Variants in PM20D1 observed in about 807,000 individuals in gnomAD.
The protein encoded by PM20D1 is N-fatty-acyl-amino acid synthase/hydrolase PM20D1.
In PM20D1, 53 loss-of-function variants were observed where a neutral mutation model predicts 53.8. The observed-to-expected ratio is 0.98, with a 90% CI of 0.79 to 1.24. The LOEUF is 1.24. PM20D1 is among the 50% of genes most tolerant of loss of function. The probability of loss-of-function intolerance (pLI) is 0.00; values close to 1 mark genes in which losing one functional copy is unlikely to be tolerated. For synonymous variants in PM20D1, 239 were observed against 241.3 expected, an observed-to-expected ratio of 0.99 and a Z score of 0.09; for missense variants, 564 against 616.8, an observed-to-expected ratio of 0.91 and a Z score of 0.91.
At chr1:205,843,900 T>G (rs1429315045) in intron 5 of PM20D1, 114 bp from the exon 6 acceptor site, 31 of 1,495,250 alleles carry the variant, frequency 2.1e-5, no homozygotes, top group Non-Finnish European at 2.7e-5. Flanking sequence ...AGCTTCATGC[T>G]GCTTTAAAAA....
At chr1:205,848,859 A>G (rs1015150382) in intron 1 of PM20D1, among the ~76,000 whole-genome samples, 2 of 152,182 alleles carry the variant, frequency 1.3e-5, no homozygotes, top group Non-Finnish European at 2.9e-5. Flanking sequence ...TCAAGTGCCT[A>G]CTCAAGGGCA....
rs538524394 is a variant in PM20D1 at position 205,829,158 on chromosome 1, T to C, written c.1386-415A>G. On this transcript the variant is annotated intron_variant, in intron 12 of 12. Coordinates refer to ENST00000367136, the MANE Select transcript of PM20D1 (RefSeq NM_152491.5). Reference sequence around the variant, plus strand: ...TGATCCTCCCACCTCAGCTCCTGAGTTGCTGGGACCCCAGGTGTGTGGCTA... The same window carrying C: ...TGATCCTCCCACCTCAGCTCCTGAGCTGCTGGGACCCCAGGTGTGTGGCTA... 3.9e-5 allele frequency among the ~76,000 whole-genome samples: 6 copies of C among 152,238 alleles called. No individual in the cohort carries two copies. The South Asian group carries it at 1.2e-3, about 32-fold the overall frequency.
At chr1:205,831,327 C>CT (rs976774475) in intron 11 of PM20D1, among the ~76,000 whole-genome samples, 1 of 152,110 alleles carries the variant, frequency 6.6e-6, no homozygotes, top group Admixed American at 6.5e-5. Context: ...TGCTGCCTAT[C>CT]TTTTTTCTGC....
At chr1:205,833,852 CT>C (rs151195714) in intron 10 of PM20D1, among the ~76,000 whole-genome samples, 4,017 of 145,972 alleles carry the variant, frequency 0.028, 57 homozygotes, top group Non-Finnish European at 0.039. Context: ...AAGAGTACCT[CT>C]TTTTTTTTTT....
chr1:205,845,864 C>T (rs899163173), intron 2 of PM20D1, among the ~76,000 whole-genome samples: 1 of 152,032 alleles, frequency 6.6e-6, no homozygotes, highest in Non-Finnish European at 1.5e-5. Context: ...AGGTGGATCA[C>T]CTGAGGTCAG....
At chr1:205,849,794 T>G in intron 1 of PM20D1, 110 bp downstream of exon 1, 2 of 1,401,134 alleles carry the variant, frequency 1.4e-6, no homozygotes, top group Non-Finnish European at 1.9e-6. Flanking sequence ...GTGTCGGGGC[T>G]CCAGCTGCAG....
chr1:205,835,351 C>CCTAT (rs1419966597), intron 10 of PM20D1, among the ~76,000 whole-genome samples: 3 of 152,118 alleles, frequency 2.0e-5, no homozygotes, highest in African/African-American at 7.2e-5. Context: ...CCTCAGCCTG[C>CCTAT]CTATCTGTTA....
chr1:205,848,879 A>T (rs1657064508), intron 1 of PM20D1, among the ~76,000 whole-genome samples: 1 of 152,198 alleles, frequency 6.6e-6, no homozygotes, highest in Non-Finnish European at 1.5e-5. Context: ...AGACCCAAGG[A>T]TCTGATCTCA....
At position 205,836,357 on chromosome 1, in the gene PM20D1, A is replaced by G. The variant is rs1441849137; in HGVS notation, c.1117-3591T>C. ...CTTCTGTCCTGCTGTAAGGCTGCTC[A>G]TCAGAAAACTCAAGACAGGTTGTCA... is the stretch of plus-strand genomic sequence containing the variant. On this transcript the variant is annotated intron_variant, in intron 10 of 12. Coordinates refer to ENST00000367136, the MANE Select transcript of PM20D1 (RefSeq NM_152491.5). Among the ~76,000 whole-genome samples the G allele has an allele frequency of 2.0e-5, 3 of 152,262 alleles. No individual in the cohort carries two copies. The East Asian group carries it at 5.8e-4, about 29-fold the overall frequency.
chr1:205,843,134 G>C (rs565381236), intron 6 of PM20D1, among the ~76,000 whole-genome samples: 7 of 152,294 alleles, frequency 4.6e-5, no homozygotes, highest in African/African-American at 1.7e-4. Context: ...AGATTCTGCT[G>C]TCCTCATTCA....
intron 2 of PM20D1, among the ~76,000 whole-genome samples, chr1:205,847,112 G>A (rs1336866544): frequency 8.5e-5 from 11 of 129,938 alleles, no homozygotes; most frequent in Non-Finnish European, 1.7e-4. Flanking sequence ...TGAATTCCTG[G>A]AATCCAGCAA....
chr1:205,828,072 A>G lies in PM20D1; in HGVS notation c.*548T>C, dbSNP rs1265453853. The G allele has an allele frequency of 6.5e-6, 1 of 152,874 alleles. No homozygotes were observed. Among genetic ancestry groups the G allele is most frequent in the East Asian group, 1.9e-4 (1 of 5,200 alleles). 9.5% of individuals were successfully genotyped at this position (152,874 alleles called of 1,614,324 possible). On this transcript the variant is annotated 3_prime_UTR_variant, in exon 13 of 13. Transcript: ENST00000367136. The stretch of plus-strand genomic sequence containing the variant: ...GACTGATTATGGTGACAATTATGGT[A>G]GTATCACAGTTTGGGTAAGTCCAGG...
intron 4 of PM20D1, among the ~76,000 whole-genome samples, chr1:205,844,544 T>C (rs11240574): frequency 0.35 from 53,604 of 151,864 alleles, 11,263 homozygotes; most frequent in Non-Finnish European, 0.48. Flanking sequence ...CACACGTATG[T>C]TTCTTAGGGT....
intron 6 of PM20D1, 81 bp from the exon 7 acceptor site, chr1:205,842,832 G>T: frequency 7.4e-7 from 1 of 1,342,368 alleles, no homozygotes. Flanking sequence ...AAGGGAGATA[G>T]GAGGAAGTTT....
At chr1:205,847,006 CTT>C (rs778538865) in intron 2 of PM20D1, among the ~76,000 whole-genome samples, 128 of 44,658 alleles carry the variant, frequency 2.9e-3, no homozygotes, top group Middle Eastern at 0.026. Flanking sequence ...TCCTTCCTTT[CTT>C]TTTTTTTTTT....
At position 205,850,104 on chromosome 1, in the gene PM20D1, G is replaced by C. The variant is rs375535770; in HGVS notation, c.-32C>G. On this transcript the variant is annotated 5_prime_UTR_variant, in exon 1 of 13. Coordinates refer to ENST00000367136, the MANE Select transcript of PM20D1 (RefSeq NM_152491.5). ...CTCGAGCTCCTGCTGTCAGGCTACC[G>C]GGGTAGTTCTGACCTAAACGCCCAG... is the stretch of plus-strand genomic sequence containing the variant. The C allele has an allele frequency of 6.2e-7, 1 of 1,600,362 alleles. No individual in the cohort carries two copies. Among genetic ancestry groups the C allele is most frequent in the Non-Finnish European group, 8.5e-7 (1 of 1,171,556 alleles).
At chr1:205,834,156 CTT>C (rs34037383) in intron 10 of PM20D1, among the ~76,000 whole-genome samples, 121 of 126,524 alleles carry the variant, frequency 9.6e-4, no homozygotes, top group African/African-American at 8.1e-4. Context: ...CCAAGAGTAC[CTT>C]TTTTTTTTTT....
chr1:205,843,624 C>T lies in PM20D1; in HGVS notation c.827+43G>A, dbSNP rs565907484. The T allele has an allele frequency of 9.6e-4, 1,523 of 1,585,884 alleles. 23 individuals are homozygous for T. The South Asian group carries it at 0.017, about 17-fold the overall frequency. On this transcript the variant is annotated intron_variant, in intron 6 of 12. Coordinates refer to ENST00000367136, the MANE Select transcript of PM20D1 (RefSeq NM_152491.5). ...TTAAAGTGGGAAAGTGCCAGGGCTT[C>T]CATCTCAAGTCTGGCATGGGAACAG... is the stretch of plus-strand genomic sequence containing the variant.
chr1:205,844,276 T>C, intron 4 of PM20D1, 59 bp from the exon 5 acceptor site: 1 of 1,508,308 alleles, frequency 6.6e-7, no homozygotes, highest in Non-Finnish European at 8.9e-7. Flanking sequence ...CCTCCAGACA[T>C]AGCTAATGGG....
Sources: gnomAD v4.1 joint callset for allele counts (sites outside exome capture counted in the v4.1 genomes callset) on GRCh38, gnomAD v4.1.1 for gene constraint, MANE v1.5 for transcripts, NCBI Gene and HGNC (gene_info 2026-07-23, HGNC 2026-07-21) for gene names.